Variants in PSD3 observed in about 807,000 individuals in gnomAD.
PSD3 encodes the protein pleckstrin and Sec7 domain containing 3, also known as PH and SEC7 domain-containing protein 3.
A neutral mutation model predicts 105.5 loss-of-function variants in PSD3; 49 were observed. The observed-to-expected ratio is 0.46, with a 90% CI of 0.37 to 0.59. PSD3 has a LOEUF of 0.59. Ranked by LOEUF, PSD3 falls within the 20% of genes least tolerant of loss-of-function variation. The pLI is 0.00. For synonymous variants in PSD3, 557 were observed against 457.8 expected, an observed-to-expected ratio of 1.22 and a Z score of -2.77; for missense variants, 1,561 against 1,263.8, an observed-to-expected ratio of 1.24 and a Z score of -3.57.
At chr8:18,728,857 G>C (rs1280562447) in intron 9 of PSD3, among the ~76,000 whole-genome samples, 1 of 151,546 alleles carries the variant, frequency 6.6e-6, no homozygotes, top group Non-Finnish European at 1.5e-5. Context: ...GAATATGAAA[G>C]GGAAGCTGGG....
At position 18,534,468 on chromosome 8, in the gene PSD3, G is replaced by A. The variant is rs2129892508; in HGVS notation, c.*1275C>T. On this transcript the variant is annotated 3_prime_UTR_variant, in exon 16 of 16. Transcript: ENST00000327040. ...TGCAAAGTTAATAGAACCATTTTGA[G>A]TAGACAGAAAGAAAGGACTGAAAAT... 6.5e-6 allele frequency: 1 copy of A among 152,680 alleles called. No homozygotes were observed. Among genetic ancestry groups the A allele is most frequent in the East Asian group, 1.9e-4 (1 of 5,176 alleles). The allele number at this position is 152,680 out of a possible 1,614,324, so 9.5% of individuals were successfully genotyped here. A position where few individuals can be genotyped will look rare whatever the true frequency, so the allele number is the denominator to read the frequency against.
chr8:18,562,289 C>T (rs1050118471), intron 14 of PSD3, among the ~76,000 whole-genome samples: 7 of 152,312 alleles, frequency 4.6e-5, no homozygotes, highest in African/African-American at 1.7e-4. Flanking sequence ...TTTCTACCCT[C>T]TTTGTCTTAG....
At chr8:18,744,588 TTC>T (rs1804832893) in intron 9 of PSD3, among the ~76,000 whole-genome samples, 1 of 152,240 alleles carries the variant, frequency 6.6e-6, no homozygotes, top group African/African-American at 2.4e-5. Context: ...CCCAGCATCT[TTC>T]TTTTTTCTTC....
intron 9 of PSD3, among the ~76,000 whole-genome samples, chr8:18,729,376 C>T (rs1803564433): frequency 6.6e-6 from 1 of 152,224 alleles, no homozygotes; most frequent in South Asian, 2.1e-4. Context: ...CAGTGTCTAA[C>T]ATTAGTCCAT....
chr8:18,614,345 C>CCCA (rs1805494349), intron 11 of PSD3, among the ~76,000 whole-genome samples: 1 of 150,698 alleles, frequency 6.6e-6, no homozygotes, highest in African/African-American at 2.5e-5. Flanking sequence ...CCCCATCCCC[C>CCCA]CCCCAAAAAA....
At chr8:18,913,371 C>A (rs1820375047) in intron 2 of PSD3, among the ~76,000 whole-genome samples, 2 of 151,766 alleles carry the variant, frequency 1.3e-5, no homozygotes, top group Non-Finnish European at 2.9e-5. Context: ...GTGCAAACTT[C>A]AGATTTCCTG....
intron 4 of PSD3, among the ~76,000 whole-genome samples, chr8:18,819,380 G>C (rs1407626473): frequency 6.6e-6 from 1 of 151,946 alleles, no homozygotes; most frequent in Non-Finnish European, 1.5e-5. Flanking sequence ...TGAAGGGAGG[G>C]GATGAGGACA....
chr8:18,991,060 C>T (rs556378558), intron 1 of PSD3, among the ~76,000 whole-genome samples: 18 of 152,170 alleles, frequency 1.2e-4, no homozygotes, highest in Middle Eastern at 3.4e-3. Context: ...AAGAAGCTGC[C>T]GGCCAGAGCC....
chr8:18,532,427 A>T lies in PSD3; in HGVS notation c.*3316T>A, dbSNP rs1585185053. 6.6e-6 allele frequency: 1 copy of T among 152,228 alleles called. No individual in the cohort carries two copies. The highest frequency in any genetic ancestry group is 1.5e-5 in the Non-Finnish European group (1 of 68,050). The allele number at this position is 152,228 out of a possible 1,614,324, so 9.4% of individuals were successfully genotyped here. A position where few individuals can be genotyped will look rare whatever the true frequency, so the allele number is the denominator to read the frequency against. On this transcript the variant is annotated 3_prime_UTR_variant, in exon 16 of 16. Transcript: ENST00000327040. The stretch of plus-strand genomic sequence containing the variant: ...GCCAGTCCTCATTTTCTAGATTAGG[A>T]TAACAGTTGGAGACGCATAGAGGGT...
At chr8:18,846,795 G>C (rs1029662361) in intron 4 of PSD3, among the ~76,000 whole-genome samples, 6 of 152,114 alleles carry the variant, frequency 3.9e-5, no homozygotes, top group Non-Finnish European at 8.8e-5. Flanking sequence ...TCTTGCTCAT[G>C]AAGAGGGAAA....
At chr8:18,948,874 T>C (rs1327619632) in intron 1 of PSD3, among the ~76,000 whole-genome samples, 2 of 151,862 alleles carry the variant, frequency 1.3e-5, no homozygotes, top group Non-Finnish European at 2.9e-5. Context: ...GAGAAGTAAG[T>C]GTCTTCTCAC....
chr8:18,766,795 G>C (rs1807038302), intron 8 of PSD3, among the ~76,000 whole-genome samples: 1 of 152,234 alleles, frequency 6.6e-6, no homozygotes, highest in African/African-American at 2.4e-5. Flanking sequence ...AGTTCCCCAA[G>C]TCCCAAATGT....
intron 9 of PSD3, among the ~76,000 whole-genome samples, chr8:18,656,757 G>A (rs1395055741): frequency 6.6e-6 from 1 of 151,938 alleles, no homozygotes; most frequent in East Asian, 1.9e-4. Flanking sequence ...TTCCCAGGCT[G>A]CAGTGCAGCG....
At chr8:18,606,102 T>G (rs1280833551) in intron 11 of PSD3, among the ~76,000 whole-genome samples, 1 of 152,242 alleles carries the variant, frequency 6.6e-6, no homozygotes, top group Non-Finnish European at 1.5e-5. Context: ...TTACACAGAC[T>G]GCTGTTCTTT....
At chr8:18,538,613 C>T (rs923119371) in intron 15 of PSD3, among the ~76,000 whole-genome samples, 16 of 152,180 alleles carry the variant, frequency 1.1e-4, no homozygotes, top group Middle Eastern at 3.4e-3. Context: ...GAAGCTGGAG[C>T]GTTGACACAA....
chr8:18,605,199 C>G (rs1052867092), intron 11 of PSD3, among the ~76,000 whole-genome samples: 7 of 152,176 alleles, frequency 4.6e-5, no homozygotes, highest in African/African-American at 1.7e-4. Context: ...ATGAGCGCAG[C>G]TGCAGGGGCT....
intron 9 of PSD3, among the ~76,000 whole-genome samples, chr8:18,757,396 G>A (rs1032708535): frequency 3.3e-5 from 5 of 152,088 alleles, no homozygotes; most frequent in Admixed American, 6.5e-5. Context: ...CCCAGGAGGC[G>A]GAGGTTGCAG....
intron 10 of PSD3, among the ~76,000 whole-genome samples, chr8:18,645,012 G>A (rs1807929337): frequency 1.3e-5 from 2 of 152,200 alleles, no homozygotes; most frequent in South Asian, 2.1e-4. Flanking sequence ...AGAAGGTCAA[G>A]AAAGCGCAAG....
chr8:19,083,189 C>T (rs62499166), intron 1 of PSD3, among the ~76,000 whole-genome samples: 48,517 of 152,122 alleles, frequency 0.32, 8,479 homozygotes, highest in East Asian at 0.69. Flanking sequence ...CACCCTTCCT[C>T]ACCTCCACCC....
Sources: allele counts gnomAD v4.1 joint callset (sites outside exome capture counted in the v4.1 genomes callset), GRCh38; gene constraint gnomAD v4.1.1; transcripts MANE v1.5; gene names NCBI Gene and HGNC (gene_info 2026-07-23, HGNC 2026-07-21).